The following CMTM7 variants were observed in gnomAD, a reference collection of about 807,000 sequenced individuals.
The protein encoded by CMTM7 is CKLF-like MARVEL transmembrane domain-containing protein 7.
CMTM7 carries 7 observed loss-of-function variants against 19.3 expected under a neutral mutation model. The observed-to-expected ratio is 0.36, with a 90% CI of 0.21 to 0.68. The LOEUF (loss-of-function observed/expected upper bound fraction) is 0.68. Among genes scored for constraint, CMTM7 ranks in the 30% least tolerant of loss-of-function variants. The pLI, the probability that CMTM7 is intolerant of heterozygous loss-of-function variation, is 0.60. For synonymous variants in CMTM7, 87 were observed against 99.3 expected, an observed-to-expected ratio of 0.88 and a Z score of 0.74; for missense variants, 193 against 232.6, an observed-to-expected ratio of 0.83 and a Z score of 1.11.
chr3:32,409,016 G>A (rs1048863362), intron 1 of CMTM7, among the ~76,000 whole-genome samples: 2 of 151,956 alleles, frequency 1.3e-5, no homozygotes, highest in African/African-American at 4.8e-5. Flanking sequence ...TGAGTAGCTG[G>A]GACTACAGTC....
rs1247817698 is a variant in CMTM7 at position 32,449,425 on chromosome 3, C to T, written c.334-29C>T. 2 of 1,500,972 alleles carry T rather than the reference C, an allele frequency of 1.3e-6. No homozygotes were observed. The highest frequency in any genetic ancestry group is 1.9e-6 in the Non-Finnish European group (2 of 1,076,832). 93.0% of individuals were successfully genotyped at this position (1,500,972 alleles called of 1,614,324 possible). A position where few individuals can be genotyped will look rare whatever the true frequency, so the allele number is the denominator to read the frequency against. ...CCGGACCAGAAATGGACGGCCCTAC[C>T]CACTTATTTGCTTTGTTTCTGCCCC... is the stretch of plus-strand genomic sequence containing the variant. On this transcript the variant is annotated intron_variant, in intron 2 of 4. Transcript: ENST00000334983. This position sits in a 1 kb window ranked among gnomAD's most constrained non-coding sequence, Gnocchi z 4.5.
At chr3:32,447,079 GTTTTACTTGTATTCCATAA>G (rs1696764547) in intron 2 of CMTM7, among the ~76,000 whole-genome samples, 1 of 151,888 alleles carries the variant, frequency 6.6e-6, no homozygotes, top group African/African-American at 2.4e-5. Flanking sequence ...TCTGATAACT[GTTTTACTTGTATTCCATAA>G]TTTTGGTATA....
rs1559401304 is a variant in CMTM7, at chr3:32,404,142, C to CTTTTTTTTCTTT, written c.159+12085_159+12086insCTTTTTTTTTTT. ...CCTTTGTTTAATCTTTTCTTTCTTT[C>CTTTTTTTTCTTT]TTTTTTTTTCTTTTTTTTTCTTTTT... On this transcript the variant is annotated intron_variant, in intron 1 of 4. Coordinates refer to ENST00000334983, the MANE Select transcript of CMTM7 (RefSeq NM_138410.4). 2.2e-3 allele frequency among the ~76,000 whole-genome samples: 237 copies of CTTTTTTTTCTTT among 109,208 alleles called. 11 individuals carry two copies. The highest frequency in any genetic ancestry group is 3.0e-3 in the Non-Finnish European group (160 of 54,022). 71.6% of individuals were successfully genotyped at this position (109,208 alleles called of 152,430 possible).
chr3:32,417,546 A>G (rs540181378), intron 1 of CMTM7, among the ~76,000 whole-genome samples: 34 of 152,314 alleles, frequency 2.2e-4, no homozygotes, highest in Admixed American at 2.0e-3. Context: ...TGGGTGTATA[A>G]ATGTAAGTTT....
At position 32,449,653 on chromosome 3, in the gene CMTM7, CT is replaced by C; in HGVS notation, c.432+103del. ...AAGGGCTTGGTTTCTGGGGCATTCC[CT>C]TCATAGAATCAATACCTACCTTGAT... On this transcript the variant is annotated intron_variant, in intron 3 of 4. Coordinates refer to ENST00000334983, the MANE Select transcript of CMTM7 (RefSeq NM_138410.4). This position sits in a 1 kb window ranked among gnomAD's most constrained non-coding sequence, Gnocchi z 4.5. 1 of 909,144 alleles carries C rather than the reference CT, an allele frequency of 1.1e-6. No homozygotes were observed. Among genetic ancestry groups the C allele is most frequent in the South Asian group, 1.3e-5 (1 of 74,884 alleles). 56.3% of individuals were successfully genotyped at this position (909,144 alleles called of 1,614,324 possible). A position where few individuals can be genotyped will look rare whatever the true frequency, so the allele number is the denominator to read the frequency against.
intron 1 of CMTM7, among the ~76,000 whole-genome samples, chr3:32,396,156 C>T (rs928132984): frequency 1.3e-5 from 2 of 152,034 alleles, no homozygotes; most frequent in Non-Finnish European, 2.9e-5. Flanking sequence ...GGAAATGGGA[C>T]GTGACTGCTG....
Position 32,391,997 on chromosome 3 carries a change from C to T in CMTM7, c.91C>T (p.Pro31Ser). 1 of 1,234,064 alleles carries T rather than the reference C, an allele frequency of 8.1e-7. No homozygotes were observed. Among genetic ancestry groups the T allele is most frequent in the Non-Finnish European group, 1.0e-6 (1 of 987,008 alleles). 76.4% of individuals were successfully genotyped at this position (1,234,064 alleles called of 1,614,324 possible). A position where few individuals can be genotyped will look rare whatever the true frequency, so the allele number is the denominator to read the frequency against. ...CGGCGCGGCCCAGCCCAGCGCGAGC[C>T]CCTTGGAGGGGCTGCTGGACCTCAG... ...GAGAAQPSAS[P>S]LEGLLDLSYP... The change falls in exon 1 of 5, where the codon CCC (proline) becomes TCC (serine). Residue 31 changes from proline (P) to serine (S), a missense_variant. Coordinates refer to ENST00000334983, the MANE Select transcript of CMTM7 (RefSeq NM_138410.4).
At chr3:32,440,995 T>C (rs1696665928) in intron 1 of CMTM7, among the ~76,000 whole-genome samples, 1 of 152,252 alleles carries the variant, frequency 6.6e-6, no homozygotes, top group Non-Finnish European at 1.5e-5. Flanking sequence ...CCGTTAAGCA[T>C]GTTCACTCGT....
intron 1 of CMTM7, among the ~76,000 whole-genome samples, chr3:32,428,936 C>T (rs1359245482): frequency 6.6e-6 from 1 of 152,182 alleles, no homozygotes; most frequent in Non-Finnish European, 1.5e-5. Flanking sequence ...CTGCACCAGA[C>T]CTGCTCCCAC....
At chr3:32,395,688 G>A (rs1486576045) in intron 1 of CMTM7, among the ~76,000 whole-genome samples, 1 of 152,204 alleles carries the variant, frequency 6.6e-6, no homozygotes, top group East Asian at 1.9e-4. Context: ...ATACAGTGCT[G>A]ATGAGAATGC....
chr3:32,420,069 C>T (rs543438280), intron 1 of CMTM7, among the ~76,000 whole-genome samples: 5 of 152,306 alleles, frequency 3.3e-5, no homozygotes, highest in African/African-American at 1.2e-4. Flanking sequence ...TGATTTGCGT[C>T]ACATTATTGA....
At chr3:32,444,027 T>C (rs1696717805) in intron 2 of CMTM7, among the ~76,000 whole-genome samples, 1 of 152,234 alleles carries the variant, frequency 6.6e-6, no homozygotes, top group African/African-American at 2.4e-5. Flanking sequence ...ACTTTTTTGA[T>C]GGTGTCCTTT....
chr3:32,409,792 T>G (rs952554281), intron 1 of CMTM7, among the ~76,000 whole-genome samples: 2 of 152,236 alleles, frequency 1.3e-5, no homozygotes, highest in Non-Finnish European at 2.9e-5. Context: ...TGTCTCAATT[T>G]GAATGCTTTT....
chr3:32,400,661 G>A (rs2125619543), intron 1 of CMTM7, among the ~76,000 whole-genome samples: 1 of 152,266 alleles, frequency 6.6e-6, no homozygotes, highest in South Asian at 2.1e-4. Context: ...AAAGTGCTGG[G>A]ATTACAGGTG....
intron 1 of CMTM7, among the ~76,000 whole-genome samples, chr3:32,405,015 A>G (rs548787697): frequency 6.6e-6 from 1 of 152,348 alleles, no homozygotes; most frequent in Admixed American, 6.5e-5. Context: ...GCCATGTCAC[A>G]AGCATCCAAG....
intron 1 of CMTM7, among the ~76,000 whole-genome samples, chr3:32,416,611 T>C (rs9881019): frequency 0.42 from 62,501 of 150,152 alleles, 13,270 homozygotes; most frequent in South Asian, 0.47. Flanking sequence ...AGGATGGTCT[T>C]GATCTCCTGA....
At chr3:32,393,252 C>G (rs897465845) in intron 1 of CMTM7, among the ~76,000 whole-genome samples, 3 of 152,180 alleles carry the variant, frequency 2.0e-5, no homozygotes, top group African/African-American at 4.8e-5. Flanking sequence ...TCCTGCCTCC[C>G]TAAGAACGGT....
chr3:32,393,012 G>A (rs1190179684), intron 1 of CMTM7, among the ~76,000 whole-genome samples: 1 of 152,220 alleles, frequency 6.6e-6, no homozygotes, highest in African/African-American at 2.4e-5. Flanking sequence ...TTTGCACCAA[G>A]AACGGTGGGG....
Position 32,454,272 on chromosome 3 carries a change from G to A in CMTM7, c.*18G>A, listed in dbSNP as rs1487376888. The A allele has an allele frequency of 6.2e-7, 1 of 1,613,568 alleles. No individual in the cohort carries two copies. The highest frequency in any genetic ancestry group is 1.3e-5 in the African/African-American group (1 of 75,010). ...CCGTCTGATGAGGCCACAACCCCTA[G>A]GCCCCTCAGGAGCTTTGCAGAGAGG... On this transcript the variant is annotated 3_prime_UTR_variant, in exon 5 of 5. Transcript: ENST00000334983.
Sources: allele counts gnomAD v4.1 joint callset (sites outside exome capture counted in the v4.1 genomes callset), GRCh38; gene constraint gnomAD v4.1.1; non-coding constraint Gnocchi (gnomAD v3.1); transcripts MANE v1.5; gene names NCBI Gene and HGNC (gene_info 2026-07-23, HGNC 2026-07-21).